The following GRIA1 variants were observed in gnomAD, a reference collection of about 807,000 sequenced individuals.
GRIA1 encodes glutamate receptor 1.
Under a neutral mutation model 99.2 loss-of-function variants are expected in GRIA1, and 31 were observed. The observed-to-expected ratio is 0.31, with a 90% CI of 0.23 to 0.42. GRIA1 has a LOEUF of 0.42. Ranked by LOEUF, GRIA1 falls within the 10% of genes least tolerant of loss-of-function variation. The pLI is 1.00. For missense variants in GRIA1, 782 were observed against 1,157.5 expected, an observed-to-expected ratio of 0.68 and a Z score of 4.71; for synonymous variants, 438 against 432.4, an observed-to-expected ratio of 1.01 and a Z score of -0.16.
chr5:153,662,912 C>T (rs1009076836), intron 5 of GRIA1, among the ~76,000 whole-genome samples: 5 of 152,180 alleles, frequency 3.3e-5, no homozygotes, highest in African/African-American at 1.2e-4. Context: ...GCTGATGAAG[C>T]TTATTCCAGT....
intron 2 of GRIA1, among the ~76,000 whole-genome samples, chr5:153,519,745 A>G (rs765903752): frequency 1.3e-5 from 2 of 152,174 alleles, no homozygotes; most frequent in Non-Finnish European, 2.9e-5. Flanking sequence ...GTCTCTCTGT[A>G]GGAATACTTC....
chr5:153,694,353 GA>G (rs1206619025), intron 8 of GRIA1, among the ~76,000 whole-genome samples: 1 of 152,058 alleles, frequency 6.6e-6, no homozygotes, highest in Non-Finnish European at 1.5e-5. Flanking sequence ...TATACATAAA[GA>G]AGGGTTATAT....
At chr5:153,777,624 A>G (rs1271543496) in intron 13 of GRIA1, among the ~76,000 whole-genome samples, 2 of 151,924 alleles carry the variant, frequency 1.3e-5, no homozygotes, top group Non-Finnish European at 2.9e-5. Context: ...CAAAGAACTT[A>G]TTTTTTTCTT....
At chr5:153,572,948 G>A (rs1762247542) in intron 2 of GRIA1, among the ~76,000 whole-genome samples, 1 of 152,168 alleles carries the variant, frequency 6.6e-6, no homozygotes, top group Admixed American at 6.5e-5. Flanking sequence ...TTGTGAATGG[G>A]AATGTCTTCT....
At chr5:153,616,833 G>A (rs1050002144) in intron 2 of GRIA1, among the ~76,000 whole-genome samples, 2 of 152,136 alleles carry the variant, frequency 1.3e-5, no homozygotes, top group South Asian at 2.1e-4. Context: ...CACATGCCTC[G>A]ACTGACTGTG....
At chr5:153,618,749 A>G (rs946136637) in intron 2 of GRIA1, among the ~76,000 whole-genome samples, 10 of 152,206 alleles carry the variant, frequency 6.6e-5, no homozygotes, top group African/African-American at 2.4e-4. Flanking sequence ...ATTCCAGGAA[A>G]TTAAAGAGAA....
intron 14 of GRIA1, among the ~76,000 whole-genome samples, chr5:153,795,311 C>T (rs140398270): frequency 3.9e-5 from 6 of 152,026 alleles, no homozygotes; most frequent in Non-Finnish European, 5.9e-5. Flanking sequence ...GTGTGTTGGG[C>T]GGGCAGTGAC....
chr5:153,668,456 T>C (rs891853611), intron 5 of GRIA1, among the ~76,000 whole-genome samples: 1 of 152,234 alleles, frequency 6.6e-6, no homozygotes, highest in Non-Finnish European at 1.5e-5. Flanking sequence ...TGTGGAACTA[T>C]ATGACATTAA....
intron 13 of GRIA1, among the ~76,000 whole-genome samples, chr5:153,778,085 G>A (rs1234570249): frequency 6.6e-6 from 1 of 152,042 alleles, no homozygotes; most frequent in Non-Finnish European, 1.5e-5. Flanking sequence ...GAAATGGGGG[G>A]ATAAAAGGAG....
chr5:153,500,009 A>G (rs960387060), intron 2 of GRIA1, among the ~76,000 whole-genome samples: 8 of 152,224 alleles, frequency 5.3e-5, no homozygotes, highest in African/African-American at 1.7e-4. Flanking sequence ...TTAATGTTAC[A>G]GTCTGAAGTT....
intron 8 of GRIA1, among the ~76,000 whole-genome samples, chr5:153,693,607 G>A (rs1757910629): frequency 6.6e-6 from 1 of 152,074 alleles, no homozygotes; most frequent in South Asian, 2.1e-4. Flanking sequence ...AATCTGATCT[G>A]TCATCTAGAT....
chr5:153,642,413 G>T (rs1375642164), intron 2 of GRIA1, among the ~76,000 whole-genome samples: 3 of 152,106 alleles, frequency 2.0e-5, no homozygotes, highest in African/African-American at 7.2e-5. Flanking sequence ...TGAAGTATCA[G>T]CTCTTAATTA....
intron 14 of GRIA1, 114 bp from the exon 15 acceptor site, chr5:153,802,242 G>C (rs1766088860): frequency 1.3e-6 from 1 of 796,984 alleles, no homozygotes; most frequent in East Asian, 2.6e-5. Flanking sequence ...AAATGTTAAA[G>C]AGGGTGTGGG....
chr5:153,706,100 T>C (rs897561067), intron 11 of GRIA1, 33 bp downstream of exon 11: 51 of 1,404,758 alleles, frequency 3.6e-5, no homozygotes, highest in Non-Finnish European at 4.9e-5. Flanking sequence ...CTTTGCCTAA[T>C]GCTATGGTTT....
At chr5:153,802,563 C>A in intron 15 of GRIA1, 73 bp downstream of exon 15, 3 of 1,471,050 alleles carry the variant, frequency 2.0e-6, no homozygotes, top group Non-Finnish European at 1.9e-6. Flanking sequence ...AGTCCCTTTG[C>A]TAGAAAGGGT....
chr5:153,747,220 C>A (rs953291161), intron 11 of GRIA1, among the ~76,000 whole-genome samples: 11 of 152,132 alleles, frequency 7.2e-5, no homozygotes, highest in African/African-American at 1.9e-4. Context: ...TTACTCATGG[C>A]AGAAGGCAAA....
At chr5:153,600,692 A>G (rs771795706) in intron 2 of GRIA1, among the ~76,000 whole-genome samples, 29 of 152,196 alleles carry the variant, frequency 1.9e-4, no homozygotes, top group Non-Finnish European at 3.4e-4. Context: ...CCAAAGGGAA[A>G]CTGGGAGAAG....
At chr5:153,751,946 A>C (rs927655935) in intron 11 of GRIA1, among the ~76,000 whole-genome samples, 10 of 152,142 alleles carry the variant, frequency 6.6e-5, no homozygotes, top group Non-Finnish European at 5.9e-5. Flanking sequence ...TTCCTCTCCC[A>C]CAGCCCCTGC....
At chr5:153,688,360 C>A (rs1380893181) in intron 8 of GRIA1, among the ~76,000 whole-genome samples, 2 of 152,184 alleles carry the variant, frequency 1.3e-5, no homozygotes, top group Non-Finnish European at 2.9e-5. Context: ...TGACATTTAT[C>A]CAGAAATAGT....
Sources: allele counts gnomAD v4.1 joint callset (sites outside exome capture counted in the v4.1 genomes callset), GRCh38; gene constraint gnomAD v4.1.1; transcripts MANE v1.5; gene names NCBI Gene and HGNC (gene_info 2026-07-23, HGNC 2026-07-21).